Variants in TGFBR3 observed in about 807,000 individuals in gnomAD.
The protein encoded by TGFBR3 is transforming growth factor beta receptor type 3.
TGFBR3 carries 46 observed loss-of-function variants against 87.9 expected under a neutral mutation model. The observed-to-expected ratio is 0.52, with a 90% CI of 0.41 to 0.67. TGFBR3 has a LOEUF of 0.67. Among genes scored for constraint, TGFBR3 ranks in the 30% least tolerant of loss-of-function variants. The pLI is 0.00. For synonymous variants in TGFBR3, 381 were observed against 391.6 expected, an observed-to-expected ratio of 0.97 and a Z score of 0.32; for missense variants, 866 against 1,041.9, an observed-to-expected ratio of 0.83 and a Z score of 2.32.
At chr1:91,784,821 A>G (rs2100975085) in intron 3 of TGFBR3, among the ~76,000 whole-genome samples, 1 of 152,352 alleles carries the variant, frequency 6.6e-6, no homozygotes, top group Non-Finnish European at 1.5e-5. Flanking sequence ...GATCCACAGG[A>G]TTAAGTCCAA....
chr1:91,713,639 C>T (rs1309978640), intron 12 of TGFBR3, among the ~76,000 whole-genome samples: 2 of 152,178 alleles, frequency 1.3e-5, no homozygotes, highest in Non-Finnish European at 2.9e-5. Flanking sequence ...GCTTTGAATC[C>T]GCAGCACTGT....
intron 2 of TGFBR3, among the ~76,000 whole-genome samples, chr1:91,841,992 T>C (rs1677306268): frequency 6.6e-6 from 1 of 150,826 alleles, no homozygotes; most frequent in South Asian, 2.1e-4. Flanking sequence ...CCCCAGCTAC[T>C]TGAGAGGCTA....
At chr1:91,877,343 G>T (rs1001081662) in intron 1 of TGFBR3, among the ~76,000 whole-genome samples, 1 of 151,912 alleles carries the variant, frequency 6.6e-6, no homozygotes, top group Admixed American at 6.6e-5. Context: ...TGTGGTGGGG[G>T]TAGGGACAAG....
chr1:91,893,310 G>A (rs978971903), intron 2 of TGFBR3, among the ~76,000 whole-genome samples: 1 of 151,246 alleles, frequency 6.6e-6, no homozygotes, highest in East Asian at 1.9e-4. Flanking sequence ...TTTTGAGACA[G>A]AGTTTTGCTC....
At chr1:91,798,435 C>A (rs968008366) in intron 2 of TGFBR3, among the ~76,000 whole-genome samples, 1 of 152,150 alleles carries the variant, frequency 6.6e-6, no homozygotes, top group East Asian at 1.9e-4. Flanking sequence ...CCCCACTCCA[C>A]GTCAACTTAT....
At chr1:91,709,070 A>C (rs1291243103) in intron 13 of TGFBR3, among the ~76,000 whole-genome samples, 1 of 152,190 alleles carries the variant, frequency 6.6e-6, no homozygotes, top group African/African-American at 2.4e-5. Flanking sequence ...TTTTAGTGTT[A>C]GTTTGAAAAA....
intron 4 of TGFBR3, among the ~76,000 whole-genome samples, chr1:91,752,044 C>A (rs557681289): frequency 1.4e-3 from 206 of 151,998 alleles, no homozygotes; most frequent in Non-Finnish European, 2.0e-3. Flanking sequence ...GATTTTTTTT[C>A]CCGATGATGT....
chr1:91,756,680 G>A (rs1673757648), intron 4 of TGFBR3, among the ~76,000 whole-genome samples: 1 of 152,100 alleles, frequency 6.6e-6, no homozygotes, highest in African/African-American at 2.4e-5. Context: ...TCCCAGAAAA[G>A]GCTACAATAA....
chr1:91,693,846 A>G (rs116782012), intron 16 of TGFBR3, among the ~76,000 whole-genome samples: 224 of 152,308 alleles, frequency 1.5e-3, no homozygotes, highest in African/African-American at 5.3e-3. Flanking sequence ...TTAGCTTGAG[A>G]TCTGAACATG....
intron 13 of TGFBR3, among the ~76,000 whole-genome samples, chr1:91,710,869 G>C (rs186198658): frequency 5.8e-4 from 88 of 152,216 alleles, no homozygotes; most frequent in Middle Eastern, 3.4e-3. Context: ...GGTAAAGGGC[G>C]ACTTGAGGTT....
At chr1:91,893,444 C>T (rs555302322) in intron 2 of TGFBR3, among the ~76,000 whole-genome samples, 10 of 151,992 alleles carry the variant, frequency 6.6e-5, no homozygotes, top group African/African-American at 9.7e-5. Flanking sequence ...CCACCATGCC[C>T]GGTTAATTGT....
In TGFBR3 at chr1:91,845,718, A is replaced by AT. The variant is rs17880462; in HGVS notation, c.61+15752dup. On this transcript the variant is annotated intron_variant, in intron 2 of 16. Coordinates refer to ENST00000212355, the MANE Select transcript of TGFBR3 (RefSeq NM_003243.5). ...GGCATGCACTTGATTTCAAATGAAG[A>AT]TTTTTTTAAACAGCATCTTCCAACT... 7.5e-3 allele frequency among the ~76,000 whole-genome samples: 1,144 copies of AT among 152,230 alleles called. 17 individuals are homozygous for AT. The highest frequency in any genetic ancestry group is 0.026 in the African/African-American group (1,080 of 41,534).
At chr1:91,775,714 A>C (rs1384355329) in intron 3 of TGFBR3, among the ~76,000 whole-genome samples, 1 of 152,128 alleles carries the variant, frequency 6.6e-6, no homozygotes, top group Non-Finnish European at 1.5e-5. Context: ...AAAATAACCA[A>C]CTTTCAACCT....
chr1:91,834,102 A>G (rs1676967523), intron 2 of TGFBR3, among the ~76,000 whole-genome samples: 1 of 152,204 alleles, frequency 6.6e-6, no homozygotes, highest in South Asian at 2.1e-4. Flanking sequence ...CCTACATTGT[A>G]ATGTTTTCAT....
At chr1:91,887,288 C>G (rs1235005673), upstream of TGFBR3, among the ~76,000 whole-genome samples, 3 of 133,586 alleles carry the variant, frequency 2.2e-5, no homozygotes, top group African/African-American at 8.6e-5. Context: ...CCCTGTCGCC[C>G]AGGCTGGAGT....
intron 1 of TGFBR3, among the ~76,000 whole-genome samples, chr1:91,864,435 G>A (rs1243389031): frequency 2.0e-5 from 3 of 152,210 alleles, no homozygotes; most frequent in Admixed American, 6.5e-5. Context: ...AGTTTACACC[G>A]GATCTTAAAA....
At chr1:91,810,306 G>A (rs1263198192) in intron 2 of TGFBR3, among the ~76,000 whole-genome samples, 1 of 152,144 alleles carries the variant, frequency 6.6e-6, no homozygotes, top group Non-Finnish European at 1.5e-5. Context: ...CAATCCACCT[G>A]CCTTGGCCTC....
chr1:91,887,262 T>TTTTTTTG (rs1165045165), upstream of TGFBR3, among the ~76,000 whole-genome samples: 89 of 125,264 alleles, frequency 7.1e-4, 14 homozygotes, highest in African/African-American at 3.0e-3. Flanking sequence ...TTTTTTTTTT[T>TTTTTTTG]TGAGATGGAG....
intron 4 of TGFBR3, among the ~76,000 whole-genome samples, chr1:91,736,550 C>T (rs1043286305): frequency 6.6e-6 from 1 of 151,882 alleles, no homozygotes; most frequent in African/African-American, 2.4e-5. Flanking sequence ...TAGCTCTAAC[C>T]TTGTTTTGAC....
Sources: allele counts gnomAD v4.1 joint callset (sites outside exome capture counted in the v4.1 genomes callset), GRCh38; gene constraint gnomAD v4.1.1; transcripts MANE v1.5; gene names NCBI Gene and HGNC (gene_info 2026-07-23, HGNC 2026-07-21).